The following MLLT10 variants were observed in gnomAD, a reference collection of about 807,000 sequenced individuals.
MLLT10 encodes the protein MLLT10 histone lysine methyltransferase DOT1L cofactor, also known as protein AF-10.
MLLT10 carries 30 observed loss-of-function variants against 129.1 expected under a neutral mutation model. The observed-to-expected ratio is 0.23, with a 90% confidence interval of 0.17 to 0.32. The LOEUF (loss-of-function observed/expected upper bound fraction) is 0.32, where lower values mean the gene tolerates loss of function less well. Ranked by LOEUF, MLLT10 falls within the 10% of genes least tolerant of loss-of-function variation. The pLI is 1.00. For missense variants in MLLT10, 1,119 were observed against 1,268.3 expected, an observed-to-expected ratio of 0.88 and a Z score of 1.79; for synonymous variants, 490 against 446.4, an observed-to-expected ratio of 1.10 and a Z score of -1.23.
intron 13 of MLLT10, chr10:21,708,584 C>T: frequency 1.0e-6 from 1 of 984,052 alleles, no homozygotes; most frequent in South Asian, 4.7e-5. Context: ...TTTTTTTTTA[C>T]CAGTAAACTG....
At chr10:21,608,743 C>T (rs1324128905) in intron 5 of MLLT10, among the ~76,000 whole-genome samples, 3 of 151,978 alleles carry the variant, frequency 2.0e-5, no homozygotes, top group African/African-American at 7.3e-5. Flanking sequence ...CTATTGATCT[C>T]TTCTTAAGTT....
At chr10:21,595,508 T>G in intron 5 of MLLT10, 68 bp downstream of exon 5, 1 of 1,263,478 alleles carries the variant, frequency 7.9e-7, no homozygotes, top group African/African-American at 1.5e-5. Flanking sequence ...AGTTTTTGTG[T>G]TTTTAAAATC....
At chr10:21,539,985 T>C (rs1467501396) in intron 3 of MLLT10, among the ~76,000 whole-genome samples, 1 of 150,794 alleles carries the variant, frequency 6.6e-6, no homozygotes, top group East Asian at 1.9e-4. Context: ...CCGGGTGCAG[T>C]GACTCACACC....
chr10:21,713,256 C>T (rs1564700107), intron 13 of MLLT10, among the ~76,000 whole-genome samples: 1 of 152,188 alleles, frequency 6.6e-6, no homozygotes, highest in Admixed American at 6.5e-5. Context: ...ACCTGTCTCC[C>T]ACCAATGTCA....
intron 8 of MLLT10, among the ~76,000 whole-genome samples, chr10:21,640,267 TTA>T (rs1336476775): frequency 5.5e-5 from 8 of 144,220 alleles, no homozygotes; most frequent in African/African-American, 1.8e-4. Context: ...ATAATATATA[TTA>T]TATTGTATTA....
intron 8 of MLLT10, among the ~76,000 whole-genome samples, chr10:21,651,345 C>T (rs2049014240): frequency 6.6e-6 from 1 of 152,136 alleles, no homozygotes; most frequent in African/African-American, 2.4e-5. Context: ...GCTGGGATTA[C>T]AGGTGTGAGC....
chr10:21,653,727 G>T (rs186251508), intron 9 of MLLT10, among the ~76,000 whole-genome samples: 1 of 152,202 alleles, frequency 6.6e-6, no homozygotes, highest in Admixed American at 6.5e-5. Flanking sequence ...ATACGTTGGC[G>T]TTGAGATGTA....
chr10:21,584,485 A>G (rs1303507838), intron 3 of MLLT10, among the ~76,000 whole-genome samples: 2 of 151,538 alleles, frequency 1.3e-5, no homozygotes, highest in African/African-American at 2.4e-5. Context: ...TTTTTTTTAA[A>G]TTATTTTTTG....
rs544043928 is a variant in MLLT10, at chr10:21,573,705, T to C, written c.241-12589T>C. Among the ~76,000 whole-genome samples the C allele has an allele frequency of 3.3e-5, 5 of 152,054 alleles. No individual in the cohort carries two copies. The South Asian group carries it at 1.0e-3, about 32-fold the overall frequency. On this transcript the variant is annotated intron_variant, in intron 3 of 22. Coordinates refer to ENST00000307729, the MANE Select transcript of MLLT10 (RefSeq NM_001195626.3). ...CCTCAGACTCCCAAGTAGCTGAGAT[T>C]ACAGGCACGTGCCACCATGCCCGGC...
At position 21,560,356 on chromosome 10, in the gene MLLT10, A is replaced by G. The variant is rs1396560916; in HGVS notation, c.240+21444A>G. The stretch of plus-strand genomic sequence containing the variant: ...TTTCACAGAGACTTCAGCTTTTTGT[A>G]TTCCTACCAACAATGCATGAAGGTT... On this transcript the variant is annotated intron_variant, in intron 3 of 22. Coordinates refer to ENST00000307729, the MANE Select transcript of MLLT10 (RefSeq NM_001195626.3). 2.0e-5 allele frequency among the ~76,000 whole-genome samples: 3 copies of G among 152,122 alleles called. No homozygotes were observed. The East Asian group carries it at 5.8e-4, about 29-fold the overall frequency.
rs144945829 is a variant in MLLT10, at chr10:21,666,054, C to G, written c.796-4395C>G. On this transcript the variant is annotated intron_variant, in intron 9 of 22. Coordinates refer to ENST00000307729, the MANE Select transcript of MLLT10 (RefSeq NM_001195626.3). ...TGCTAATCCTTTTCTTTTTGCCCAT[C>G]ATTTCTCTTCCCTTCTCTTTCTCTG... Among the ~76,000 whole-genome samples, 155 of 152,284 alleles carry G rather than the reference C, an allele frequency of 1.0e-3. 1 individual carries two copies. The highest frequency in any genetic ancestry group is 3.2e-3 in the African/African-American group (132 of 41,564).
chr10:21,712,200 C>CTTTATTTA (rs1461043413), intron 13 of MLLT10, among the ~76,000 whole-genome samples: 4 of 53,490 alleles, frequency 7.5e-5, no homozygotes, highest in African/African-American at 2.6e-4. Flanking sequence ...AAGTCAATAA[C>CTTTATTTA]TTCATTTATT....
chr10:21,602,934 A>G lies in MLLT10; in HGVS notation c.405+7494A>G, dbSNP rs1187726171. 3.3e-5 allele frequency among the ~76,000 whole-genome samples: 5 copies of G among 151,564 alleles called. No individual in the cohort carries two copies. In the South Asian group the frequency reaches 6.3e-4, roughly 19 times the overall value. On this transcript the variant is annotated intron_variant, in intron 5 of 22. Transcript: ENST00000307729. ...TTTTTAGTAGAGACGGGGTTTCACCATGTTAGCCAGGATGGTCTAGATCTC... is the reference window on the plus strand; with the variant it reads ...TTTTTAGTAGAGACGGGGTTTCACCGTGTTAGCCAGGATGGTCTAGATCTC...
chr10:21,566,779 A>G (rs114057626), intron 3 of MLLT10, among the ~76,000 whole-genome samples: 4,297 of 148,720 alleles, frequency 0.029, 204 homozygotes, highest in African/African-American at 0.099. Flanking sequence ...TTTTTAGTTC[A>G]TTGATATGGT....
chr10:21,638,257 T>TGG (rs1554827242), intron 8 of MLLT10, among the ~76,000 whole-genome samples: 13 of 80,552 alleles, frequency 1.6e-4, no homozygotes, highest in African/African-American at 6.1e-4. Flanking sequence ...TTCTTTTTGG[T>TGG]GGGGGGAGGG....
At chr10:21,645,222 T>G (rs2048366268) in intron 8 of MLLT10, among the ~76,000 whole-genome samples, 1 of 152,210 alleles carries the variant, frequency 6.6e-6, no homozygotes, top group Non-Finnish European at 1.5e-5. Context: ...GTTTACTCCT[T>G]GACAGTTTTT....
chr10:21,670,595 G>C lies in MLLT10; in HGVS notation c.942G>C (p.Glu314Asp). The C allele has an allele frequency of 1.2e-6, 2 of 1,614,158 alleles. No individual in the cohort carries two copies. Among genetic ancestry groups the C allele is most frequent in the Non-Finnish European group, 1.7e-6 (2 of 1,180,022 alleles). ...ATGTTTCAGAGACTAGAGGGTCAGA[G>C]GGCAAAGGGAAGAAATCTTCAGCTC... Reference protein sequence around the residue: ...GKDVSETRGSEGKGKKSSAHS... With the variant: ...GKDVSETRGSDGKGKKSSAHS... The change falls in exon 10 of 23, where the codon GAG becomes GAC. Residue 314 changes from glutamate (E) to aspartate (D), a missense_variant. By Grantham distance (45) the Glu-to-Asp change is conservative. Around this residue, in one of 5 missense-constraint regions of MLLT10, gnomAD observed 1,004 missense variants for 1,008.7 expected, o/e 1.00. Transcript: ENST00000307729.
intron 8 of MLLT10, among the ~76,000 whole-genome samples, chr10:21,640,074 C>T (rs545361430): frequency 1.3e-4 from 19 of 151,138 alleles, no homozygotes; most frequent in Admixed American, 2.7e-4. Context: ...ACAAAAGATA[C>T]GCCTGTTTTT....
chr10:21,575,656 G>GT (rs1398253900), intron 3 of MLLT10, among the ~76,000 whole-genome samples: 1 of 152,008 alleles, frequency 6.6e-6, no homozygotes, highest in African/African-American at 2.4e-5. Context: ...GTTTATAGTG[G>GT]TTTTAACATT....
Sources: allele counts gnomAD v4.1 joint callset (sites outside exome capture counted in the v4.1 genomes callset), GRCh38; gene constraint gnomAD v4.1.1; regional missense constraint gnomAD v4.1.1; transcripts MANE v1.5; gene names NCBI Gene and HGNC (gene_info 2026-07-23, HGNC 2026-07-21).